GSK3A: variants seen among roughly 807,000 people sequenced by gnomAD.
GSK3A encodes glycogen synthase kinase 3 alpha, also known as glycogen synthase kinase-3 alpha.
GSK3A carries 14 observed loss-of-function variants against 56.6 expected under a neutral mutation model. That is an observed-to-expected ratio of 0.25 (90% CI 0.16 to 0.39). The LOEUF (loss-of-function observed/expected upper bound fraction) is 0.39. Among genes scored for constraint, GSK3A ranks in the 10% least tolerant of loss-of-function variants. The pLI, the probability that GSK3A is intolerant of heterozygous loss-of-function variation, is 1.00. For synonymous variants in GSK3A, 301 were observed against 285.0 expected (o/e 1.06, Z -0.56); for missense variants, 450 against 656.0 (o/e 0.69, Z 3.43).
chr19:42,240,622 C>G (rs1239565508), intron 1 of GSK3A: 1 of 183,114 alleles, frequency 5.5e-6, no homozygotes, highest in Non-Finnish European at 1.1e-5. Flanking sequence ...ATACTGACCT[C>G]TAAGTCCTCC....
intron 4 of GSK3A, among the ~76,000 whole-genome samples, chr19:42,236,279 C>T (rs1227655129): frequency 6.6e-6 from 1 of 152,196 alleles, no homozygotes; most frequent in Non-Finnish European, 1.5e-5. Context: ...TCTGTGCAGT[C>T]CTGGTCCCCA....
intron 4 of GSK3A, among the ~76,000 whole-genome samples, chr19:42,235,926 G>A (rs554548752): frequency 6.6e-5 from 10 of 152,242 alleles, no homozygotes; most frequent in Admixed American, 2.6e-4. Flanking sequence ...AGCCCACGTC[G>A]GCTCACCCGT....
At chr19:42,242,099 T>G (rs759104914) in intron 1 of GSK3A, 84 bp downstream of exon 1, 36 of 1,197,244 alleles carry the variant, frequency 3.0e-5, no homozygotes, top group Non-Finnish European at 3.8e-5. Context: ...AGCTCCTATC[T>G]AAGCACATGA....
chr19:42,239,987 T>C lies in GSK3A; in HGVS notation c.439A>G (p.Ile147Val). 1.2e-6 allele frequency: 2 copies of C among 1,614,184 alleles called. No homozygotes were observed. Among genetic ancestry groups the C allele is most frequent in the Admixed American group, 1.7e-5 (1 of 60,018 alleles). The change falls in exon 2 of 11, where the codon ATC becomes GTC. Residue 147 changes from isoleucine to valine, a missense_variant. Physicochemically the swap from Ile to Val is conservative, Grantham distance 29. This residue lies in a region of GSK3A where 144 missense variants were observed against 308.0 expected (regional missense o/e 0.47). Transcript: ENST00000222330. ...CTCTTGTCCTGGAGAACCTTCTTGA[T>C]GGCGACTAGTTCCCTGGTCTCTGCC... is the stretch of plus-strand genomic sequence containing the variant. ...RLAETRELVA[I>V]KKVLQDKRFK...
rs778851302 is a variant in GSK3A, at chr19:42,240,402, C to T, written c.284-260G>A. On this transcript the variant is annotated intron_variant, in intron 1 of 10. Coordinates refer to ENST00000222330, the MANE Select transcript of GSK3A (RefSeq NM_019884.3). The stretch of plus-strand genomic sequence containing the variant: ...ATCTCTCTGCTTCAAGGGTTGGCAA[C>T]CCCAAATTTCTACTTCTAGGAAGCA... The T allele has an allele frequency of 2.9e-5, 17 of 581,872 alleles. No homozygotes were observed. The East Asian group carries it at 3.6e-4, about 12-fold the overall frequency. 36.0% of individuals were successfully genotyped at this position (581,872 alleles called of 1,614,324 possible). A position where few individuals can be genotyped will look rare whatever the true frequency, so the allele number is the denominator to read the frequency against.
intron 4 of GSK3A, among the ~76,000 whole-genome samples, chr19:42,235,111 A>T (rs1379318602): frequency 6.6e-6 from 1 of 152,112 alleles, no homozygotes; most frequent in African/African-American, 2.4e-5. Flanking sequence ...TGGGTGACAG[A>T]GACCCTGTCT....
chr19:42,241,687 T>C (rs1004175777), intron 1 of GSK3A: 1 of 152,486 alleles, frequency 6.6e-6, no homozygotes, highest in Non-Finnish European at 1.5e-5. Flanking sequence ...AGCCTGGCCC[T>C]ATTCTTTGGG....
intron 2 of GSK3A, among the ~76,000 whole-genome samples, chr19:42,237,523 G>A (rs1261605536): frequency 6.6e-6 from 1 of 151,070 alleles, no homozygotes; most frequent in Non-Finnish European, 1.5e-5. Context: ...TCAACTTATT[G>A]CTGACATGTA....
In GSK3A at chr19:42,241,811, G is replaced by C. The variant is rs147340107; in HGVS notation, c.283+372C>G. 3.9e-5 allele frequency: 7 copies of C among 179,250 alleles called. No homozygotes were observed. In the East Asian group the frequency reaches 9.6e-4, roughly 25 times the overall value. The allele number at this position is 179,250 out of a possible 1,614,324, so 11.1% of individuals were successfully genotyped here. A position where few individuals can be genotyped will look rare whatever the true frequency, so the allele number is the denominator to read the frequency against. ...CTTTTTCGGGGTTGGTCTTATTCTT[G>C]TTCTCTTAGGAGACAATAACCCTAG... On this transcript the variant is annotated intron_variant, in intron 1 of 10. Transcript: ENST00000222330.
chr19:42,238,767 GC>G (rs1291335247), intron 2 of GSK3A, among the ~76,000 whole-genome samples: 46 of 151,742 alleles, frequency 3.0e-4, no homozygotes. Context: ...TTCGAGACCA[GC>G]CTGGCCAACA....
At position 42,232,662 on chromosome 19, in the gene GSK3A, C is replaced by T. The variant is rs201146173; in HGVS notation, c.1119G>A (p.Pro373=). 153 of 1,585,404 alleles carry T rather than the reference C, an allele frequency of 9.7e-5. No homozygotes were observed. The East Asian group carries it at 2.2e-3, about 23-fold the overall frequency. ...TAGAGCAGAGCGCGATGGCCTCTGGCGGCGTTCGAGATTTGAACACCTGAG... is the reference window on the plus strand; with the variant it reads ...TAGAGCAGAGCGCGATGGCCTCTGGTGGCGTTCGAGATTTGAACACCTGAG... ...PWTKVFKSRT[P]PEAIALCSSL... is the part of the protein sequence containing the mutation. The change falls in exon 9 of 11, where the codon CCG becomes CCA. Residue 373 remains proline (P), a synonymous_variant. Transcript: ENST00000222330.
chr19:42,236,737 GTGTGAGGCAC>G (rs2036259567), intron 3 of GSK3A, 21 bp from the exon 4 acceptor site: 28 of 1,572,712 alleles, frequency 1.8e-5, no homozygotes, highest in Non-Finnish European at 2.5e-5. Flanking sequence ...CAAAGGAGAG[GTGTGAGGCAC>G]TGTGAGAAGA....
In GSK3A at chr19:42,242,143, AC is replaced by A. The variant is rs889880643; in HGVS notation, c.283+39del. 2.3e-6 allele frequency: 3 copies of A among 1,308,566 alleles called. No homozygotes were observed. In the East Asian group the frequency reaches 9.2e-5, roughly 40 times the overall value. The allele number at this position is 1,308,566 out of a possible 1,614,324, so 81.1% of individuals were successfully genotyped here. On this transcript the variant is annotated intron_variant, in intron 1 of 10. Transcript: ENST00000222330. ...GATGGATGTCTGAGGAGCTTTGGGA[AC>A]CCTAATCACCACCCTACACGGGCGC...
intron 6 of GSK3A, 63 bp from the exon 7 acceptor site, chr19:42,233,446 T>A: frequency 2.8e-6 from 3 of 1,076,620 alleles, no homozygotes; most frequent in Non-Finnish European, 2.8e-6. Flanking sequence ...CCCAATGCTT[T>A]TATTCCTCAT....
chr19:42,231,924 A>G (rs144870196), intron 10 of GSK3A, 133 bp downstream of exon 10: 2 of 591,046 alleles, frequency 3.4e-6, no homozygotes, highest in Non-Finnish European at 6.1e-6. Flanking sequence ...CACATGTTGT[A>G]AGATGTGTTT....
At chr19:42,232,921 TG>T in intron 8 of GSK3A, 188 bp downstream of exon 8, 1 of 580,652 alleles carries the variant, frequency 1.7e-6, no homozygotes, top group Non-Finnish European at 3.0e-6. Flanking sequence ...ATTGGAATCT[TG>T]AATTTACTTG....
chr19:42,236,740 T>A, intron 3 of GSK3A, 24 bp from the exon 4 acceptor site: 1 of 1,557,870 alleles, frequency 6.4e-7, no homozygotes, highest in Admixed American at 1.7e-5. Context: ...AGGAGAGGTG[T>A]GAGGCACTGT....
intron 4 of GSK3A, among the ~76,000 whole-genome samples, chr19:42,236,118 G>A (rs576546407): frequency 8.5e-5 from 13 of 152,320 alleles, no homozygotes; most frequent in Admixed American, 3.9e-4. Flanking sequence ...CCCAGGGCAC[G>A]ATGCCAGGCA....
rs779095296 is a variant in GSK3A at position 42,242,299 on chromosome 19, A to G, written c.167T>C (p.Met56Thr). ...GCTCGAGGCCCCGACGCCCCCACCC[A>G]TGGCCCCGACAGATGCCTTTCCGCC... ...TGGGKASVGA[M>T]GGGVGASSSG... Residue 56 changes from methionine to threonine, a missense_variant, in exon 1 of 11, where the codon ATG becomes ACG. By Grantham distance (81) the Met-to-Thr change is moderately conservative (BLOSUM62 -1). This residue lies in a region of GSK3A where 193 missense variants were observed against 200.5 expected (regional missense o/e 0.96). Coordinates refer to ENST00000222330, the MANE Select transcript of GSK3A (RefSeq NM_019884.3). 6.8e-4 allele frequency: 970 copies of G among 1,436,484 alleles called. No homozygotes were observed. The highest frequency in any genetic ancestry group is 6.0e-4 in the Non-Finnish European group (664 of 1,101,826). 89.0% of individuals were successfully genotyped at this position (1,436,484 alleles called of 1,614,324 possible). A position where few individuals can be genotyped will look rare whatever the true frequency, so the allele number is the denominator to read the frequency against.
Sources: gnomAD v4.1 joint callset for allele counts (sites outside exome capture counted in the v4.1 genomes callset) on GRCh38, gnomAD v4.1.1 for gene constraint, gnomAD v4.1.1 regional missense constraint, MANE v1.5 for transcripts, NCBI Gene and HGNC (gene_info 2026-07-23, HGNC 2026-07-21) for gene names.